The following TBC1D1 variants were observed in gnomAD, a reference collection of about 807,000 sequenced individuals.
The protein encoded by TBC1D1 is TBC1 (tre-2/USP6, BUB2, cdc16) domain family, member 1.
Under a neutral mutation model 125.6 loss-of-function variants are expected in TBC1D1, and 89 were observed. That is an observed-to-expected ratio of 0.71 (90% CI 0.60 to 0.85). The LOEUF (loss-of-function observed/expected upper bound fraction) is 0.85, where lower values mean the gene tolerates loss of function less well. Ranked by LOEUF, TBC1D1 falls within the 40% of genes least tolerant of loss-of-function variation. The pLI is 0.00. For synonymous variants in TBC1D1, 565 were observed against 564.1 expected (o/e 1.00, Z -0.02); for missense variants, 1,377 against 1,469.2 (o/e 0.94, Z 1.03).
At chr4:37,893,781 G>A (rs1201417995) in intron 1 of TBC1D1, among the ~76,000 whole-genome samples, 2 of 152,170 alleles carry the variant, frequency 1.3e-5, no homozygotes, top group Admixed American at 6.6e-5. Context: ...AAACATGATC[G>A]TGCCACTGAG....
intron 19 of TBC1D1, among the ~76,000 whole-genome samples, chr4:38,133,740 T>C (rs188512654): frequency 6.6e-6 from 1 of 152,354 alleles, no homozygotes; most frequent in East Asian, 1.9e-4. Flanking sequence ...ATTTGATTAA[T>C]GAAGGTCTCA....
At chr4:38,118,507 A>C in intron 17 of TBC1D1, 1 of 251,896 alleles carries the variant, frequency 4.0e-6, no homozygotes, top group Non-Finnish European at 7.6e-6. Context: ...CCACAGGTGT[A>C]TGTTTCTCAT....
At chr4:38,115,674 T>A (rs1229411905) in intron 15 of TBC1D1, 36 bp from the exon 18 acceptor site, 4 of 1,573,262 alleles carry the variant, frequency 2.5e-6, no homozygotes, top group African/African-American at 1.4e-5. Context: ...CTTTTTTTGT[T>A]TTTATTATTA....
At position 37,925,487 on chromosome 4, in the gene TBC1D1, G is replaced by A. The variant is rs138890724; in HGVS notation, c.417+22975G>A. Among the ~76,000 whole-genome samples, 773 of 152,212 alleles carry A rather than the reference G, an allele frequency of 5.1e-3. 7 individuals are homozygous for A. Among genetic ancestry groups the A allele is most frequent in the African/African-American group, 0.017 (718 of 41,540 alleles). ...AATCCCAGCACTTCGGGAGGTCGAGGTGGGGGGATCATGAGGTCAAGAAAT... is the reference window on the plus strand; with the variant it reads ...AATCCCAGCACTTCGGGAGGTCGAGATGGGGGGATCATGAGGTCAAGAAAT... On this transcript the variant is annotated intron_variant, in intron 2 of 19. Transcript: ENST00000261439.
intron 19 of TBC1D1, among the ~76,000 whole-genome samples, chr4:38,135,746 T>C (rs1011788946): frequency 6.6e-6 from 1 of 152,192 alleles, no homozygotes; most frequent in Admixed American, 6.5e-5. Context: ...TTTTGGGTGT[T>C]CTAGTGGCCC....
At chr4:38,118,227 CTTCTCT>C (rs1285364197) in intron 17 of TBC1D1, 35 bp downstream of exon 19, 22 of 1,610,316 alleles carry the variant, frequency 1.4e-5, no homozygotes, top group African/African-American at 2.7e-5. Flanking sequence ...CAGAACCAGC[CTTCTCT>C]TATTAGAGGG....
At chr4:38,035,406 C>CACTG (rs1374377657) in intron 7 of TBC1D1, among the ~76,000 whole-genome samples, 182 bp from the exon 8 acceptor site, 4 of 152,130 alleles carry the variant, frequency 2.6e-5, no homozygotes, top group African/African-American at 9.7e-5. Context: ...AAATCTGGCC[C>CACTG]ACTGGCTCCA....
chr4:37,914,757 C>G (rs917635802), intron 2 of TBC1D1, among the ~76,000 whole-genome samples: 1 of 152,162 alleles, frequency 6.6e-6, no homozygotes, highest in African/African-American at 2.4e-5. Flanking sequence ...CTCCAGCCAC[C>G]CTGGTGTTTA....
rs375450488 is a variant in TBC1D1 at position 37,915,144 on chromosome 4, C to CATGA, written c.417+12648_417+12651dup. The stretch of plus-strand genomic sequence containing the variant: ...AGTGCCTGGCACATAGTAGATACTT[C>CATGA]ATGAATGAATGAATGAATGTTACCT... On this transcript the variant is annotated intron_variant, in intron 2 of 19. Transcript: ENST00000261439. Among the ~76,000 whole-genome samples the CATGA allele has an allele frequency of 5.3e-3, 812 of 152,316 alleles. 8 individuals carry two copies. The highest frequency in any genetic ancestry group is 0.018 in the African/African-American group (750 of 41,570).
chr4:38,072,195 A>G (rs1224178001), intron 12 of TBC1D1, among the ~76,000 whole-genome samples: 1 of 151,166 alleles, frequency 6.6e-6, no homozygotes, highest in Non-Finnish European at 1.5e-5. Context: ...ATGTACACCT[A>G]GAGAGAGAGA....
At chr4:37,903,693 G>A (rs1360359467) in intron 2 of TBC1D1, among the ~76,000 whole-genome samples, 1 of 152,140 alleles carries the variant, frequency 6.6e-6, no homozygotes, top group African/African-American at 2.4e-5. Flanking sequence ...CCTTTTGCTT[G>A]TTCATTTGTT....
intron 2 of TBC1D1, among the ~76,000 whole-genome samples, chr4:37,963,512 G>A (rs1431230966): frequency 6.6e-6 from 1 of 152,162 alleles, no homozygotes; most frequent in Non-Finnish European, 1.5e-5. Flanking sequence ...AATTAGCCGG[G>A]CATGGTGGCA....
Position 37,977,396 on chromosome 4 carries a change from G to C in TBC1D1, c.418-37113G>C. ...CCGCCGCCGGGGAGAGCGATGCCCC[G>C]GCCCCGCCGCTCCCCAAGCCCGCCC... On this transcript the variant is annotated intron_variant, in intron 2 of 19. Transcript: ENST00000261439. This position sits in a 1 kb window ranked among gnomAD's most constrained non-coding sequence, Gnocchi z 4.3. 1 of 575,620 alleles carries C rather than the reference G, an allele frequency of 1.7e-6. No individual in the cohort carries two copies. Among genetic ancestry groups the C allele is most frequent in the Non-Finnish European group, 2.2e-6 (1 of 457,716 alleles). The allele number at this position is 575,620 out of a possible 1,614,324, so 35.7% of individuals were successfully genotyped here.
chr4:38,121,434 A>C (rs1763833149), intron 17 of TBC1D1, among the ~76,000 whole-genome samples: 1 of 152,234 alleles, frequency 6.6e-6, no homozygotes, highest in South Asian at 2.1e-4. Context: ...CAGCGAATAC[A>C]GTGCAAAGTA....
chr4:37,903,632 G>A (rs561809973), intron 2 of TBC1D1, among the ~76,000 whole-genome samples: 1 of 152,302 alleles, frequency 6.6e-6, no homozygotes, highest in Non-Finnish European at 1.5e-5. Context: ...GTACTCTCTA[G>A]GGTGTAAGGA....
intron 13 of TBC1D1, among the ~76,000 whole-genome samples, chr4:38,095,519 T>C (rs1244867530): frequency 1.3e-5 from 2 of 152,230 alleles, no homozygotes; most frequent in East Asian, 3.9e-4. Context: ...AAGAAAACGA[T>C]CTTTGGAGTG....
chr4:38,113,285 C>T (rs1329641023), intron 15 of TBC1D1, among the ~76,000 whole-genome samples: 1 of 152,290 alleles, frequency 6.6e-6, no homozygotes. Context: ...GCCAGCTCTG[C>T]CCCCACCATC....
At chr4:38,070,433 C>T (rs1256735968) in intron 12 of TBC1D1, among the ~76,000 whole-genome samples, 2 of 152,198 alleles carry the variant, frequency 1.3e-5, no homozygotes, top group Non-Finnish European at 2.9e-5. Flanking sequence ...TCGGCATGAC[C>T]CGGCCATGGG....
intron 15 of TBC1D1, 66 bp from the exon 18 acceptor site, chr4:38,115,643 AT>A: frequency 6.5e-7 from 1 of 1,531,894 alleles, no homozygotes; most frequent in East Asian, 2.3e-5. Flanking sequence ...AGCACATTGG[AT>A]TTCTGGTTCA....
Sources: gnomAD v4.1 joint callset for allele counts (sites outside exome capture counted in the v4.1 genomes callset) on GRCh38, gnomAD v4.1.1 for gene constraint, Gnocchi (gnomAD v3.1) non-coding constraint, MANE v1.5 for transcripts, NCBI Gene and HGNC (gene_info 2026-07-23, HGNC 2026-07-21) for gene names.